Variants in TPM3 observed in about 807,000 individuals in gnomAD.
The protein encoded by TPM3 is tropomyosin alpha-3 chain.
Under a neutral mutation model 43.1 loss-of-function variants are expected in TPM3, and 16 were observed. That is an observed-to-expected ratio of 0.37 (90% CI 0.25 to 0.56). The LOEUF (loss-of-function observed/expected upper bound fraction) is 0.56. Among genes scored for constraint, TPM3 ranks in the 20% least tolerant of loss-of-function variants. The pLI is 0.77. For synonymous variants in TPM3, 101 were observed against 116.9 expected (o/e 0.86, Z 0.88); for missense variants, 176 against 337.2 (o/e 0.52, Z 3.74).
At position 154,173,077 on chromosome 1, in the gene TPM3, C is replaced by G. The variant is rs749792884; in HGVS notation, c.495+7G>C. 251 of 1,614,142 alleles carry G rather than the reference C, an allele frequency of 1.6e-4. No homozygotes were observed. The East Asian group carries it at 5.5e-3, about 35-fold the overall frequency. ...GATACGAGAGGGACTAACAGAAGGTCACTTACCTCTTCATACTTCCTATCT... is the reference window on the plus strand; with the variant it reads ...GATACGAGAGGGACTAACAGAAGGTGACTTACCTCTTCATACTTCCTATCT... On this transcript the variant is annotated splice_region_variant and intron_variant, in intron 4 of 9. Transcript: ENST00000651641.
chr1:154,169,789 T>C (rs12028949), intron 8 of TPM3: 39,705 of 283,776 alleles, frequency 0.14, 3,563 homozygotes, highest in East Asian at 0.38. Flanking sequence ...GTGAACCTAT[T>C]AGTGGCCCCT....
intron 3 of TPM3, 62 bp from the exon 4 acceptor site, chr1:154,173,263 C>G: frequency 7.2e-7 from 1 of 1,383,290 alleles, no homozygotes; most frequent in Non-Finnish European, 1.0e-6. Context: ...AGCTCCACTC[C>G]AAGGGTCTCA....
intron 2 of TPM3, among the ~76,000 whole-genome samples, chr1:154,182,100 CAT>C (rs1663018079): frequency 6.6e-6 from 1 of 152,186 alleles, no homozygotes; most frequent in Admixed American, 6.5e-5. Context: ...GATTCTCTGC[CAT>C]ACACTCGCTT....
intron 2 of TPM3, among the ~76,000 whole-genome samples, chr1:154,186,793 G>A (rs1363603714): frequency 6.6e-6 from 1 of 151,506 alleles, no homozygotes; most frequent in Non-Finnish European, 1.5e-5. Context: ...ACAAATTTAG[G>A]GAGGAAAAAA....
intron 2 of TPM3, 121 bp from the exon 3 acceptor site, chr1:154,176,369 T>C: frequency 7.1e-7 from 1 of 1,406,358 alleles, no homozygotes; most frequent in Non-Finnish European, 9.9e-7. Context: ...GGGTAGAACT[T>C]GTCTTAGCTC....
downstream of TPM3, chr1:154,155,749 A>T: frequency 4.4e-6 from 1 of 225,520 alleles, no homozygotes; most frequent in East Asian, 6.4e-5. Flanking sequence ...TTTAAGGAGC[A>T]TAAATCCATA....
In TPM3 at chr1:154,183,786, G is replaced by A. The variant is rs141137786; in HGVS notation, c.243+7400C>T. 241 of 157,350 alleles carry A rather than the reference G, an allele frequency of 1.5e-3. 1 individual carries two copies. Among genetic ancestry groups the A allele is most frequent in the African/African-American group, 5.6e-3 (233 of 41,366 alleles). 9.7% of individuals were successfully genotyped at this position (157,350 alleles called of 1,614,324 possible). A position where few individuals can be genotyped will look rare whatever the true frequency, so the allele number is the denominator to read the frequency against. ...CGGAGTGGAAGGGATGGGCAAGATG[G>A]CACAAATTCTCATTCTATTTGGCAT... On this transcript the variant is annotated intron_variant, in intron 2 of 9. Coordinates refer to ENST00000651641, the MANE Select transcript of TPM3 (RefSeq NM_152263.4).
intron 2 of TPM3, among the ~76,000 whole-genome samples, chr1:154,185,279 A>AAG (rs201971478): frequency 0.015 from 2,256 of 150,934 alleles, 36 homozygotes; most frequent in Non-Finnish European, 0.021. Flanking sequence ...AGGCTGAGGC[A>AAG]AGAGAATTGC....
At chr1:154,177,603 A>G (rs1662481836) in intron 2 of TPM3, among the ~76,000 whole-genome samples, 1 of 152,140 alleles carries the variant, frequency 6.6e-6, no homozygotes, top group African/African-American at 2.4e-5. Context: ...CACACCACCC[A>G]GTTCAGATGC....
Position 154,167,286 on chromosome 1 carries a change from C to T in TPM3, c.*651G>A. 4 of 984,460 alleles carry T rather than the reference C, an allele frequency of 4.1e-6. No homozygotes were observed. The highest frequency in any genetic ancestry group is 4.8e-6 in the Non-Finnish European group (4 of 829,102). The allele number at this position is 984,460 out of a possible 1,614,324, so 61.0% of individuals were successfully genotyped here. On this transcript the variant is annotated 3_prime_UTR_variant, in exon 10 of 10. Transcript: ENST00000651641. Reference sequence around the variant, plus strand: ...TGTATTTTTCTGTGACTGGAGTTGACATAATTAGTCAATCTTAGCAATAAT... The same window carrying T: ...TGTATTTTTCTGTGACTGGAGTTGATATAATTAGTCAATCTTAGCAATAAT...
At chr1:154,185,236 G>A (rs917390759) in intron 2 of TPM3, among the ~76,000 whole-genome samples, 1 of 150,892 alleles carries the variant, frequency 6.6e-6, no homozygotes, top group Admixed American at 6.6e-5. Context: ...GCCGGGTGTG[G>A]TGGTGCACAC....
chr1:154,165,181 C>T lies in TPM3; in HGVS notation c.*2756G>A, dbSNP rs1004577047. Among the ~76,000 whole-genome samples, 7 of 149,086 alleles carry T rather than the reference C, an allele frequency of 4.7e-5. No homozygotes were observed. Among genetic ancestry groups the T allele is most frequent in the Admixed American group, 6.7e-5 (1 of 14,966 alleles). ...TGGATCACTTGAGGTCAGGAGTTCG[C>T]GACCAGCCTGGCCAACATGCTGAAA... On this transcript the variant is annotated 3_prime_UTR_variant, in exon 10 of 10. Transcript: ENST00000651641.
chr1:154,155,325 A>T (rs541395493), downstream of TPM3: 8 of 440,468 alleles, frequency 1.8e-5, no homozygotes, highest in African/African-American at 1.6e-4. Flanking sequence ...AAAACCCTTT[A>T]ATTTCTTCCA....
chr1:154,185,709 G>GAA (rs111472790), intron 2 of TPM3, among the ~76,000 whole-genome samples: 1 of 128,258 alleles, frequency 7.8e-6, no homozygotes, highest in African/African-American at 2.9e-5. Context: ...GACACAGTCT[G>GAA]AAAAAAAAAA....
Position 154,171,642 on chromosome 1 carries a change from T to TCAAC in TPM3, c.567-158_567-155dup. ...TGTTCCCAAGTAACCTGAGCAAGCA[T>TCAAC]CAACCCTCCTCCCTCTACCATAGAA... On this transcript the variant is annotated intron_variant, in intron 5 of 9. Coordinates refer to ENST00000651641, the MANE Select transcript of TPM3 (RefSeq NM_152263.4). The TCAAC allele has an allele frequency of 3.7e-6, 3 of 808,610 alleles. No homozygotes were observed. In the South Asian group the frequency reaches 4.4e-5, roughly 12 times the overall value. 50.1% of individuals were successfully genotyped at this position (808,610 alleles called of 1,614,324 possible).
At chr1:154,174,479 ACT>A (rs1236164864) in intron 3 of TPM3, among the ~76,000 whole-genome samples, 3 of 123,124 alleles carry the variant, frequency 2.4e-5, no homozygotes, top group African/African-American at 6.0e-5. Context: ...TGTTTTCCAC[ACT>A]CTTTTTTTTC....
chr1:154,188,843 G>GGCA (rs1189799238), intron 2 of TPM3, among the ~76,000 whole-genome samples: 4 of 151,212 alleles, frequency 2.6e-5, no homozygotes, highest in African/African-American at 9.8e-5. Context: ...GAAACCTAAT[G>GGCA]GCAGAGGCCA....
At chr1:154,188,050 G>A (rs1050726350) in intron 2 of TPM3, among the ~76,000 whole-genome samples, 1 of 151,288 alleles carries the variant, frequency 6.6e-6, no homozygotes. Context: ...TTCTGAGAAG[G>A]GAGAATTTTT....
chr1:154,190,750 G>A lies in TPM3; in HGVS notation c.243+436C>T, dbSNP rs150069613. ...ACCTCCATTTCCCATTGTGAAATCCGAGCTGGTTTTGTTGGACAGTTGAGA... is the reference window on the plus strand; with the variant it reads ...ACCTCCATTTCCCATTGTGAAATCCAAGCTGGTTTTGTTGGACAGTTGAGA... On this transcript the variant is annotated intron_variant, in intron 2 of 9. Transcript: ENST00000651641. Among the ~76,000 whole-genome samples, 16 of 152,274 alleles carry A rather than the reference G, an allele frequency of 1.1e-4. No homozygotes were observed. In the East Asian group the frequency reaches 1.9e-3, roughly 18 times the overall value.
Sources: gnomAD v4.1 joint callset for allele counts (sites outside exome capture counted in the v4.1 genomes callset) on GRCh38, gnomAD v4.1.1 for gene constraint, MANE v1.5 for transcripts, NCBI Gene and HGNC (gene_info 2026-07-23, HGNC 2026-07-21) for gene names.